Variants in TRDN observed in about 807,000 individuals in gnomAD.
TRDN encodes triadin.
Under a neutral mutation model 149.7 loss-of-function variants are expected in TRDN, and 161 were observed. The ratio of observed to expected loss-of-function variants is 1.08; its 90% CI spans 0.95 to 1.23. TRDN has a LOEUF of 1.23. Ranked by LOEUF, TRDN falls within the 50% of genes most tolerant of loss-of-function variation. TRDN has a pLI of 0.00. For synonymous variants in TRDN, 294 were observed against 250.5 expected, an observed-to-expected ratio of 1.17 and a Z score of -1.64; for missense variants, 896 against 823.5, an observed-to-expected ratio of 1.09 and a Z score of -1.08.
chr6:123,430,256 C>T (rs1166864571), intron 12 of TRDN, among the ~76,000 whole-genome samples: 1 of 151,736 alleles, frequency 6.6e-6, no homozygotes, highest in Admixed American at 6.6e-5. Context: ...GTAGACAGAA[C>T]AAGACCCTGT....
intron 24 of TRDN, among the ~76,000 whole-genome samples, chr6:123,282,977 T>G (rs1301177095): frequency 6.6e-6 from 1 of 151,846 alleles, no homozygotes; most frequent in Non-Finnish European, 1.5e-5. Flanking sequence ...ATAAGAGCAG[T>G]AGGACATTAT....
chr6:123,285,733 C>T (rs1159326544), intron 24 of TRDN, among the ~76,000 whole-genome samples: 4 of 152,090 alleles, frequency 2.6e-5, no homozygotes, highest in African/African-American at 9.7e-5. Flanking sequence ...AAGGAACAGT[C>T]AGCAGAGTAA....
At chr6:123,510,509 C>G (rs1303869403) in intron 7 of TRDN, among the ~76,000 whole-genome samples, 2 of 151,846 alleles carry the variant, frequency 1.3e-5, no homozygotes, top group Non-Finnish European at 2.9e-5. Flanking sequence ...TACAGAAAAA[C>G]TTTGTTATTC....
chr6:123,550,333 G>A (rs1432484944), intron 2 of TRDN, among the ~76,000 whole-genome samples: 2 of 152,018 alleles, frequency 1.3e-5, no homozygotes, highest in Non-Finnish European at 2.9e-5. Flanking sequence ...AACCAAGAAA[G>A]TGTAATGCAC....
At chr6:123,514,286 C>T (rs571182078) in intron 6 of TRDN, among the ~76,000 whole-genome samples, 1 of 151,998 alleles carries the variant, frequency 6.6e-6, no homozygotes, top group African/African-American at 2.4e-5. Context: ...ACCCCAGAGG[C>T]AGAGGTTGCA....
At chr6:123,288,917 C>G (rs1282579926) in intron 24 of TRDN, among the ~76,000 whole-genome samples, 2 of 151,514 alleles carry the variant, frequency 1.3e-5, no homozygotes, top group African/African-American at 4.8e-5. Context: ...ATCAGGATGT[C>G]AGAGAGATAT....
At chr6:123,424,942 T>C (rs1774053491) in intron 12 of TRDN, among the ~76,000 whole-genome samples, 2 of 152,106 alleles carry the variant, frequency 1.3e-5, no homozygotes, top group African/African-American at 4.8e-5. Flanking sequence ...TTCTCATTTT[T>C]CAAAGCTGCT....
At chr6:123,301,758 T>TATATATACATATATATATATATAC (rs1378814930) in intron 24 of TRDN, among the ~76,000 whole-genome samples, 1 of 82,564 alleles carries the variant, frequency 1.2e-5, no homozygotes, top group Non-Finnish European at 2.5e-5. Context: ...TATACATATA[T>TATATATACATATATATATATATAC]ATATATATAT....
chr6:123,287,772 GAA>G (rs1562246531), intron 24 of TRDN, among the ~76,000 whole-genome samples: 1 of 151,876 alleles, frequency 6.6e-6, no homozygotes, highest in African/African-American at 2.4e-5. Context: ...ATTTATATAA[GAA>G]AAAATATTTT....
intron 24 of TRDN, among the ~76,000 whole-genome samples, chr6:123,313,526 T>C (rs1778910406): frequency 6.6e-6 from 1 of 151,918 alleles, no homozygotes; most frequent in Non-Finnish European, 1.5e-5. Context: ...TCCATAGGGC[T>C]TCTGTAGTTT....
chr6:123,547,298 A>G (rs58111898), intron 4 of TRDN, 42 bp downstream of exon 4: 2 of 1,269,426 alleles, frequency 1.6e-6, no homozygotes, highest in Non-Finnish European at 2.1e-6. Context: ...CAATATTACC[A>G]TAAGAGAAAA....
chr6:123,501,623 TAAG>T (rs1281097669), intron 8 of TRDN, among the ~76,000 whole-genome samples: 2 of 152,242 alleles, frequency 1.3e-5, no homozygotes, highest in Middle Eastern at 3.4e-3. Context: ...CATTAGAGGT[TAAG>T]TTTTGAATAC....
chr6:123,223,672 T>TCTTCCTTC (rs59071931), intron 39 of TRDN, among the ~76,000 whole-genome samples: 16,063 of 105,568 alleles, frequency 0.15, 1,949 homozygotes, highest in East Asian at 0.29. Flanking sequence ...GCCTTCCATT[T>TCTTCCTTC]CTTCCTTCCT....
chr6:123,407,387 C>T (rs1046646996), intron 12 of TRDN, among the ~76,000 whole-genome samples: 4 of 152,144 alleles, frequency 2.6e-5, no homozygotes, highest in African/African-American at 9.7e-5. Flanking sequence ...CCACTTTTTA[C>T]CCTCCAAAGT....
At chr6:123,564,494 T>C (rs6569352) in intron 2 of TRDN, among the ~76,000 whole-genome samples, 141,097 of 152,288 alleles carry the variant, frequency 0.93, 65,495 homozygotes, top group African/African-American at 0.98. Flanking sequence ...CTCTGCTAAA[T>C]TCATAGCCTG....
chr6:123,633,731 A>G (rs1035026230), intron 1 of TRDN, among the ~76,000 whole-genome samples: 8 of 152,024 alleles, frequency 5.3e-5, no homozygotes, highest in African/African-American at 4.8e-5. Context: ...CTGAAACACA[A>G]TTCTGTATTT....
At chr6:123,466,623 A>G (rs1776833077) in intron 9 of TRDN, among the ~76,000 whole-genome samples, 1 of 149,880 alleles carries the variant, frequency 6.7e-6, no homozygotes, top group Non-Finnish European at 1.5e-5. Context: ...TCGGTGGGTC[A>G]AAGGGATATA....
intron 1 of TRDN, among the ~76,000 whole-genome samples, chr6:123,614,217 A>G (rs1784952057): frequency 6.6e-6 from 1 of 150,860 alleles, no homozygotes; most frequent in African/African-American, 2.4e-5. Flanking sequence ...AGGTATGTAT[A>G]AATCACTTCC....
intron 12 of TRDN, among the ~76,000 whole-genome samples, chr6:123,404,685 TC>T (rs146605495): frequency 0.018 from 2,805 of 152,306 alleles, 38 homozygotes; most frequent in Non-Finnish European, 0.029. Context: ...CCTCAGGTGA[TC>T]CACTCGCCTC....
Sources: allele counts gnomAD v4.1 joint callset (sites outside exome capture counted in the v4.1 genomes callset), GRCh38; gene constraint gnomAD v4.1.1; transcripts MANE v1.5; gene names NCBI Gene and HGNC (gene_info 2026-07-23, HGNC 2026-07-21).